Variants in INPP4B observed in about 807,000 individuals in gnomAD.
INPP4B encodes the protein inositol polyphosphate 4-phosphatase type II.
INPP4B carries 55 observed loss-of-function variants against 122.5 expected under a neutral mutation model. The observed-to-expected ratio is 0.45, with a 90% confidence interval of 0.36 to 0.56. INPP4B has a LOEUF of 0.56. Ranked by LOEUF, INPP4B falls within the 20% of genes least tolerant of loss-of-function variation. INPP4B has a pLI of 0.00. For synonymous variants in INPP4B, 403 were observed against 388.7 expected, an observed-to-expected ratio of 1.04 and a Z score of -0.43; for missense variants, 1,000 against 1,097.7, an observed-to-expected ratio of 0.91 and a Z score of 1.26.
intron 2 of INPP4B, among the ~76,000 whole-genome samples, chr4:142,470,877 G>T (rs1391039583): frequency 1.3e-5 from 2 of 152,110 alleles, no homozygotes; most frequent in Admixed American, 1.3e-4. Context: ...AAGTAGGAAA[G>T]AAATAGAAAC....
intron 11 of INPP4B, among the ~76,000 whole-genome samples, chr4:142,258,051 A>T (rs1382823345): frequency 8.6e-5 from 13 of 151,762 alleles, no homozygotes; most frequent in East Asian, 3.9e-4. Context: ...TAACGCCGCA[A>T]ATCTACAACT....
At chr4:142,303,887 C>T (rs1485446508) in intron 9 of INPP4B, among the ~76,000 whole-genome samples, 1 of 152,068 alleles carries the variant, frequency 6.6e-6, no homozygotes, top group African/African-American at 2.4e-5. Flanking sequence ...CTTGACCCTT[C>T]GGTTCTTGTC....
intron 2 of INPP4B, among the ~76,000 whole-genome samples, chr4:142,556,490 T>C (rs1242655967): frequency 6.6e-6 from 1 of 152,110 alleles, no homozygotes; most frequent in Non-Finnish European, 1.5e-5. Context: ...AGTTTAATAC[T>C]TGGGTAGTTT....
chr4:142,573,209 A>T (rs1305066134), intron 2 of INPP4B, among the ~76,000 whole-genome samples: 1 of 152,044 alleles, frequency 6.6e-6, no homozygotes, highest in Non-Finnish European at 1.5e-5. Flanking sequence ...TCACAAGAAC[A>T]GCAAGGGAGA....
chr4:142,163,331 G>A (rs187898374), intron 16 of INPP4B, among the ~76,000 whole-genome samples: 137 of 152,000 alleles, frequency 9.0e-4, no homozygotes, highest in South Asian at 2.1e-4. Flanking sequence ...ATCGCCCAGT[G>A]TATCCGTGCT....
chr4:142,811,157 G>C (rs2151122803), intron 1 of INPP4B, among the ~76,000 whole-genome samples: 2 of 152,286 alleles, frequency 1.3e-5, no homozygotes, highest in East Asian at 3.9e-4. Flanking sequence ...ATGCAGTGCT[G>C]GTGCAGATGT....
At chr4:142,537,331 C>G (rs949964311) in intron 2 of INPP4B, among the ~76,000 whole-genome samples, 3 of 145,680 alleles carry the variant, frequency 2.1e-5, no homozygotes, top group Non-Finnish European at 4.5e-5. Context: ...GTACCTGTGT[C>G]TAAGATGTTA....
rs536501326 is a variant in INPP4B at position 142,646,126 on chromosome 4, A to G, written c.-191+79713T>C. 3.9e-5 allele frequency among the ~76,000 whole-genome samples: 6 copies of G among 152,336 alleles called. No homozygotes were observed. The East Asian group carries it at 7.7e-4, about 20-fold the overall frequency. ...CTTGCTATATTTTGTTTGTAGTCAT[A>G]GTTATATGAGTATATACATTTATCA... is the stretch of plus-strand genomic sequence containing the variant. On this transcript the variant is annotated intron_variant, in intron 2 of 25. Transcript: ENST00000262992.
chr4:142,415,079 T>C (rs1339635830), intron 5 of INPP4B, among the ~76,000 whole-genome samples: 1 of 152,182 alleles, frequency 6.6e-6, no homozygotes, highest in Non-Finnish European at 1.5e-5. Context: ...TTTACCACCC[T>C]TTCTCCAGGA....
At chr4:142,229,113 T>C (rs535280799) in intron 12 of INPP4B, among the ~76,000 whole-genome samples, 2 of 151,620 alleles carry the variant, frequency 1.3e-5, no homozygotes, top group South Asian at 2.1e-4. Flanking sequence ...CACGAATATG[T>C]ATTTATAAGG....
At chr4:142,769,306 A>G (rs1055918080) in intron 1 of INPP4B, among the ~76,000 whole-genome samples, 1 of 152,160 alleles carries the variant, frequency 6.6e-6, no homozygotes, top group African/African-American at 2.4e-5. Context: ...TTGTGAACTC[A>G]GCCAAAGGGA....
At chr4:142,789,052 C>T (rs1329109829) in intron 1 of INPP4B, among the ~76,000 whole-genome samples, 1 of 152,082 alleles carries the variant, frequency 6.6e-6, no homozygotes, top group Non-Finnish European at 1.5e-5. Context: ...GATTAAAACT[C>T]TCAGCAAAAT....
intron 1 of INPP4B, among the ~76,000 whole-genome samples, chr4:142,845,368 C>G (rs778631010): frequency 2.0e-5 from 3 of 152,146 alleles, no homozygotes; most frequent in Non-Finnish European, 2.9e-5. Flanking sequence ...ATTCAGGAAC[C>G]AGGCTCCCAG....
chr4:142,135,533 CT>C, intron 18 of INPP4B, among the ~76,000 whole-genome samples: 1 of 152,276 alleles, frequency 6.6e-6, no homozygotes, highest in South Asian at 2.1e-4. Context: ...CAGTGACCCC[CT>C]TTTGGAGGAA....
At chr4:142,778,912 G>T (rs942835186) in intron 1 of INPP4B, among the ~76,000 whole-genome samples, 2 of 151,986 alleles carry the variant, frequency 1.3e-5, no homozygotes, top group Non-Finnish European at 2.9e-5. Context: ...ATGTGAGATT[G>T]GTTCATACAT....
At chr4:142,813,647 A>G (rs186871213) in intron 1 of INPP4B, among the ~76,000 whole-genome samples, 17 of 152,328 alleles carry the variant, frequency 1.1e-4, no homozygotes, top group Admixed American at 7.9e-4. Context: ...CATGGCACAT[A>G]TTATAGATCT....
intron 7 of INPP4B, among the ~76,000 whole-genome samples, chr4:142,339,585 G>A (rs981628142): frequency 1.3e-5 from 2 of 152,180 alleles, no homozygotes; most frequent in African/African-American, 4.8e-5. Context: ...GCATTCAGGG[G>A]TCTGGTGGAA....
chr4:142,725,125 ATTGT>A (rs1765172125), intron 2 of INPP4B, among the ~76,000 whole-genome samples: 1 of 152,088 alleles, frequency 6.6e-6, no homozygotes, highest in South Asian at 2.1e-4. Context: ...ACATACACAC[ATTGT>A]TTATCTGCAG....
At chr4:142,697,720 C>T (rs1032271136) in intron 2 of INPP4B, among the ~76,000 whole-genome samples, 4 of 152,102 alleles carry the variant, frequency 2.6e-5, no homozygotes, top group Non-Finnish European at 4.4e-5. Context: ...ATGGAAATTT[C>T]CCAATATCAT....
Sources: allele counts gnomAD v4.1 joint callset (sites outside exome capture counted in the v4.1 genomes callset), GRCh38; gene constraint gnomAD v4.1.1; transcripts MANE v1.5; gene names NCBI Gene and HGNC (gene_info 2026-07-23, HGNC 2026-07-21).